YWHAB: variants seen among roughly 807,000 people sequenced by gnomAD.
YWHAB encodes the protein 14-3-3 protein beta/alpha.
YWHAB carries 2 observed loss-of-function variants against 28.5 expected under a neutral mutation model. The ratio of observed to expected loss-of-function variants is 0.07; its 90% CI spans 0.03 to 0.22. YWHAB has a LOEUF of 0.22. YWHAB is among the 10% of genes least tolerant of loss of function. YWHAB has a pLI of 1.00. For missense variants in YWHAB, 148 were observed against 297.1 expected (o/e 0.50, Z 3.69); for synonymous variants, 103 against 104.7 (o/e 0.98, Z 0.10).
chr20:44,897,576 A>G (rs1285027262), intron 1 of YWHAB, among the ~76,000 whole-genome samples: 1 of 152,228 alleles, frequency 6.6e-6, no homozygotes, highest in Non-Finnish European at 1.5e-5. Context: ...AAAGTTAGAT[A>G]TATGAAGACA....
intron 2 of YWHAB, chr20:44,902,046 TCTC>T: frequency 2.1e-6 from 1 of 476,918 alleles, no homozygotes; most frequent in South Asian, 5.6e-5. Context: ...GATACTTTCC[TCTC>T]CTATCAAAAA....
chr20:44,889,277 A>G (rs1298181980), intron 1 of YWHAB, among the ~76,000 whole-genome samples: 3 of 152,194 alleles, frequency 2.0e-5, no homozygotes, highest in Non-Finnish European at 4.4e-5. Context: ...TAAGGGGAAT[A>G]CTTGAGGAAA....
intron 1 of YWHAB, among the ~76,000 whole-genome samples, chr20:44,898,612 G>A (rs899088515): frequency 1.3e-5 from 2 of 151,832 alleles, no homozygotes; most frequent in African/African-American, 2.4e-5. Context: ...GGGTTCAAGC[G>A]ATTCTCTTGC....
intron 1 of YWHAB, among the ~76,000 whole-genome samples, chr20:44,898,065 A>G (rs963036978): frequency 6.6e-6 from 1 of 152,156 alleles, no homozygotes; most frequent in African/African-American, 2.4e-5. Context: ...AAGTAGCGTC[A>G]TTTCTACTTA....
chr20:44,890,862 A>G (rs1241446475), intron 1 of YWHAB, among the ~76,000 whole-genome samples: 2 of 152,120 alleles, frequency 1.3e-5, no homozygotes, highest in Non-Finnish European at 2.9e-5. Context: ...AGACACTTGC[A>G]TTGCAGTAAA....
intron 3 of YWHAB, among the ~76,000 whole-genome samples, 180 bp downstream of exon 3, chr20:44,904,296 CAG>C (rs2066643953): frequency 6.6e-6 from 1 of 152,078 alleles, no homozygotes; most frequent in East Asian, 1.9e-4. Flanking sequence ...ATTTATCTGA[CAG>C]GGAAGTATGG....
At chr20:44,898,602 G>A (rs942510925) in intron 1 of YWHAB, among the ~76,000 whole-genome samples, 5 of 151,608 alleles carry the variant, frequency 3.3e-5, no homozygotes, top group Non-Finnish European at 5.9e-5. Context: ...TCCGTCTTCC[G>A]GGTTCAAGCG....
chr20:44,904,333 G>C (rs1295574264), intron 3 of YWHAB, among the ~76,000 whole-genome samples: 1 of 152,190 alleles, frequency 6.6e-6, no homozygotes, highest in Non-Finnish European at 1.5e-5. Flanking sequence ...CTGGTGCGCA[G>C]TGTATTTAAA....
At chr20:44,896,163 A>G (rs2066594676) in intron 1 of YWHAB, among the ~76,000 whole-genome samples, 1 of 152,244 alleles carries the variant, frequency 6.6e-6, no homozygotes, top group African/African-American at 2.4e-5. Flanking sequence ...GCCACATGTA[A>G]TTTAAATTTT....
At chr20:44,898,985 G>A (rs1296992547) in intron 1 of YWHAB, among the ~76,000 whole-genome samples, 1 of 152,028 alleles carries the variant, frequency 6.6e-6, no homozygotes, top group East Asian at 1.9e-4. Context: ...GTGTGGTGGT[G>A]CATGCCAGCA....
At chr20:44,904,144 GAC>G (rs1568636962) in intron 3 of YWHAB, 28 bp downstream of exon 3, 4 of 1,610,100 alleles carry the variant, frequency 2.5e-6, no homozygotes, top group Non-Finnish European at 3.4e-6. Context: ...AAAGAAATTC[GAC>G]CAGTAATGGA....
intron 1 of YWHAB, among the ~76,000 whole-genome samples, chr20:44,889,965 C>T (rs2145523464): frequency 1.3e-5 from 2 of 152,100 alleles, no homozygotes; most frequent in Non-Finnish European, 2.9e-5. Flanking sequence ...GCTGTGTGAC[C>T]CTGAATGAGT....
intron 1 of YWHAB, among the ~76,000 whole-genome samples, chr20:44,895,068 A>T (rs1230370572): frequency 6.6e-6 from 1 of 152,252 alleles, no homozygotes; most frequent in Admixed American, 6.5e-5. Context: ...GAATGGCATA[A>T]AGAAGTCCTA....
intron 2 of YWHAB, chr20:44,903,033 C>G (rs1199198218): frequency 2.0e-6 from 2 of 985,890 alleles, no homozygotes; most frequent in Non-Finnish European, 2.4e-6. Flanking sequence ...GCCTCTTAAC[C>G]AGTTTTTCAG....
At chr20:44,899,735 CTG>C (rs1257725106) in intron 1 of YWHAB, among the ~76,000 whole-genome samples, 7 of 152,264 alleles carry the variant, frequency 4.6e-5, no homozygotes, top group Middle Eastern at 3.4e-3. Flanking sequence ...GGGGAACTGA[CTG>C]TGGTGAGTTG....
chr20:44,892,833 G>A lies in YWHAB; in HGVS notation c.-4+6947G>A, dbSNP rs137887352. Among the ~76,000 whole-genome samples the A allele has an allele frequency of 9.9e-5, 15 of 152,254 alleles. No individual in the cohort carries two copies. The East Asian group carries it at 2.5e-3, about 26-fold the overall frequency. On this transcript the variant is annotated intron_variant, in intron 1 of 5. Transcript: ENST00000353703. ...TTTAGAAGCTCAGATGTGTATGTAA[G>A]GCTTGCTAAAAGCAGACCCCACCGT...
rs1394377768 is a variant in YWHAB at position 44,908,020 on chromosome 20, A to G, written c.*1582A>G. On this transcript the variant is annotated 3_prime_UTR_variant, in exon 6 of 6. Coordinates refer to ENST00000353703, the MANE Select transcript of YWHAB (RefSeq NM_139323.4). Reference sequence around the variant, plus strand: ...TTGCGTGAACACTGCAGTGGGGAGAATTGAGAATAGTCAGGCCTATCAGTC... The same window carrying G: ...TTGCGTGAACACTGCAGTGGGGAGAGTTGAGAATAGTCAGGCCTATCAGTC... The G allele has an allele frequency of 6.6e-6, 1 of 152,608 alleles. No individual in the cohort carries two copies. Among genetic ancestry groups the G allele is most frequent in the Non-Finnish European group, 1.5e-5 (1 of 68,032 alleles). The allele number at this position is 152,608 out of a possible 1,614,324, so 9.5% of individuals were successfully genotyped here.
chr20:44,899,859 T>G (rs1489328920), intron 1 of YWHAB, among the ~76,000 whole-genome samples: 1 of 152,232 alleles, frequency 6.6e-6, no homozygotes, highest in African/African-American at 2.4e-5. Context: ...ATGGTTCAGA[T>G]GAATTCAGTT....
chr20:44,898,887 C>A (rs1196193531), intron 1 of YWHAB, among the ~76,000 whole-genome samples: 1 of 152,072 alleles, frequency 6.6e-6, no homozygotes, highest in Non-Finnish European at 1.5e-5. Context: ...GAGGCCGAGG[C>A]AGGCAGATCA....
Sources: gnomAD v4.1 joint callset for allele counts (sites outside exome capture counted in the v4.1 genomes callset) on GRCh38, gnomAD v4.1.1 for gene constraint, MANE v1.5 for transcripts, NCBI Gene and HGNC (gene_info 2026-07-23, HGNC 2026-07-21) for gene names.